Variants in ATG10 observed in about 807,000 individuals in gnomAD.
ATG10 encodes ubiquitin-like-conjugating enzyme ATG10.
Under a neutral mutation model 32.1 loss-of-function variants are expected in ATG10, and 30 were observed. That is an observed-to-expected ratio of 0.94 (90% CI 0.70 to 1.27). The LOEUF (loss-of-function observed/expected upper bound fraction) is 1.27. ATG10 is among the 50% of genes most tolerant of loss of function. ATG10 has a pLI of 0.00. For missense variants in ATG10, 233 were observed against 262.3 expected, an observed-to-expected ratio of 0.89 and a Z score of 0.77; for synonymous variants, 87 against 91.5, an observed-to-expected ratio of 0.95 and a Z score of 0.28.
chr5:82,142,296 T>C (rs757303349), intron 3 of ATG10, among the ~76,000 whole-genome samples: 1 of 152,142 alleles, frequency 6.6e-6, no homozygotes, highest in Non-Finnish European at 1.5e-5. Flanking sequence ...ACTAGTACGA[T>C]GTTTGTGTGG....
intron 3 of ATG10, among the ~76,000 whole-genome samples, chr5:82,134,195 A>G (rs564137249): frequency 3.3e-5 from 1 of 30,222 alleles, no homozygotes; most frequent in African/African-American, 1.4e-4. Flanking sequence ...CTCTTTTCCT[A>G]TTTGAATACC....
intron 3 of ATG10, chr5:82,111,254 A>T (rs568430720): frequency 2.5e-4 from 38 of 152,108 alleles, no homozygotes; most frequent in Non-Finnish European, 8.8e-5. Context: ...TAATTTTTTT[A>T]CCTTGACTTT....
intron 7 of ATG10, among the ~76,000 whole-genome samples, 187 bp from the exon 8 acceptor site, chr5:82,253,881 G>A (rs1225090409): frequency 2.0e-5 from 3 of 152,194 alleles, no homozygotes; most frequent in Non-Finnish European, 4.4e-5. Flanking sequence ...GGTTTTCCCT[G>A]AAACTGGTGC....
chr5:82,118,190 G>T (rs324907), intron 3 of ATG10, among the ~76,000 whole-genome samples: 150,920 of 151,012 alleles, frequency 1, 75,414 homozygotes, highest in Non-Finnish European at 1. Context: ...AGGTTATATT[G>T]CCTTTGTAAT....
chr5:82,047,949 T>G (rs1361053991), intron 2 of ATG10, among the ~76,000 whole-genome samples: 1 of 151,980 alleles, frequency 6.6e-6, no homozygotes, highest in Non-Finnish European at 1.5e-5. Context: ...TAGCCAGTTT[T>G]CCCAGCACCG....
intron 5 of ATG10, among the ~76,000 whole-genome samples, chr5:82,238,339 C>G (rs917529131): frequency 6.9e-6 from 1 of 144,476 alleles, no homozygotes; most frequent in Non-Finnish European, 1.5e-5. Flanking sequence ...TATTACCACG[C>G]CCCACCCACC....
At chr5:82,203,125 G>GACA in intron 5 of ATG10, among the ~76,000 whole-genome samples, 1 of 152,088 alleles carries the variant, frequency 6.6e-6, no homozygotes, top group African/African-American at 2.4e-5. Context: ...CTACTCAGGA[G>GACA]GCTGAGACAG....
chr5:82,174,117 C>T (rs1274889036), intron 4 of ATG10, among the ~76,000 whole-genome samples: 2 of 152,054 alleles, frequency 1.3e-5, no homozygotes, highest in African/African-American at 2.4e-5. Context: ...ATGTATGCCA[C>T]GATTTTGAAG....
chr5:82,183,406 T>C (rs2115465), intron 5 of ATG10, among the ~76,000 whole-genome samples: 22,289 of 151,908 alleles, frequency 0.15, 2,122 homozygotes, highest in East Asian at 0.35. Context: ...TTTTTTTTTC[T>C]AATTGTATTT....
intron 4 of ATG10, among the ~76,000 whole-genome samples, chr5:82,165,618 A>G (rs749185302): frequency 6.6e-6 from 1 of 152,232 alleles, no homozygotes; most frequent in Admixed American, 6.5e-5. Flanking sequence ...GACATGGGGA[A>G]TGGAGGACAC....
At chr5:82,086,722 C>T (rs1409036583) in intron 3 of ATG10, among the ~76,000 whole-genome samples, 2 of 152,130 alleles carry the variant, frequency 1.3e-5, no homozygotes, top group Non-Finnish European at 2.9e-5. Context: ...AGGCAGGAAA[C>T]CACACAAGTG....
chr5:82,027,653 AT>A (rs1395188455), intron 2 of ATG10, among the ~76,000 whole-genome samples: 2 of 152,128 alleles, frequency 1.3e-5, no homozygotes, highest in South Asian at 2.1e-4. Flanking sequence ...AAAAATACTT[AT>A]TTTTTTACAG....
chr5:82,137,285 A>ATTTCTC (rs879720398), intron 3 of ATG10, among the ~76,000 whole-genome samples: 2,663 of 152,244 alleles, frequency 0.017, 32 homozygotes, highest in Non-Finnish European at 0.026. Flanking sequence ...TGAGAGGAGA[A>ATTTCTC]GAGGCATTCT....
intron 2 of ATG10, among the ~76,000 whole-genome samples, chr5:82,030,458 T>C (rs928792051): frequency 1.6e-4 from 25 of 152,234 alleles, no homozygotes; most frequent in African/African-American, 5.8e-4. Flanking sequence ...AATGATTTTA[T>C]TGAACAATAA....
At chr5:82,198,907 T>A (rs1445454530) in intron 5 of ATG10, among the ~76,000 whole-genome samples, 1 of 152,208 alleles carries the variant, frequency 6.6e-6, no homozygotes, top group East Asian at 1.9e-4. Context: ...TGATATACAG[T>A]AAACATTTCC....
chr5:82,028,076 A>AT lies in ATG10; in HGVS notation c.109-30418dup, dbSNP rs565580653. ...TAAAGCCAAACTGTCTCAAACAAGG[A>AT]TAGAAGCCCTCATTTTACCACCTAG... On this transcript the variant is annotated intron_variant, in intron 2 of 7. Transcript: ENST00000282185. 2.2e-3 allele frequency among the ~76,000 whole-genome samples: 341 copies of AT among 152,356 alleles called. 1 individual carries two copies. The highest frequency in any genetic ancestry group is 7.9e-3 in the African/African-American group (329 of 41,592).
intron 3 of ATG10, among the ~76,000 whole-genome samples, chr5:82,159,999 T>A (rs1743249993): frequency 6.6e-6 from 1 of 152,172 alleles, no homozygotes; most frequent in Non-Finnish European, 1.5e-5. Flanking sequence ...GACATTGATA[T>A]AATCCACTGA....
At chr5:82,242,748 T>C (rs1746855161) in intron 5 of ATG10, 1 of 367,218 alleles carries the variant, frequency 2.7e-6, no homozygotes, top group Non-Finnish European at 5.3e-6. Context: ...TTTTCAAAAA[T>C]GAGGGCAATA....
intron 3 of ATG10, among the ~76,000 whole-genome samples, chr5:82,133,146 A>C (rs1766608355): frequency 6.6e-6 from 1 of 152,176 alleles, no homozygotes. Context: ...GCGCTTTGTC[A>C]GATGGATAGA....
Sources: allele counts gnomAD v4.1 joint callset (sites outside exome capture counted in the v4.1 genomes callset), GRCh38; gene constraint gnomAD v4.1.1; transcripts MANE v1.5; gene names NCBI Gene and HGNC (gene_info 2026-07-23, HGNC 2026-07-21).